GOLGA1: variants seen among roughly 807,000 people sequenced by gnomAD.
The protein encoded by GOLGA1 is golgin subfamily A member 1.
In GOLGA1, 63 loss-of-function variants were observed where a neutral mutation model predicts 119.7. The ratio of observed to expected loss-of-function variants is 0.53; its 90% CI spans 0.43 to 0.65. GOLGA1 has a LOEUF of 0.65. GOLGA1 is among the 30% of genes least tolerant of loss of function. The probability of loss-of-function intolerance (pLI) is 0.00; values close to 1 mark genes in which losing one functional copy is unlikely to be tolerated. For missense variants in GOLGA1, 798 were observed against 912.8 expected (o/e 0.87, Z 1.62); for synonymous variants, 318 against 333.4 (o/e 0.95, Z 0.50).
intron 11 of GOLGA1, among the ~76,000 whole-genome samples, chr9:124,911,089 TAGA>T (rs137902469): frequency 5.3e-4 from 81 of 152,322 alleles, no homozygotes; most frequent in African/African-American, 1.9e-3. Flanking sequence ...AAGGGAATTG[TAGA>T]AGATGTTTAA....
At position 124,923,239 on chromosome 9, in the gene GOLGA1, A is replaced by C. The variant is rs1830606401; in HGVS notation, c.433-16T>G. ...TATTTTTCTCCTATTTGAAAGAAGAAGACATCAACTCAGGCAACGAAAGCA... is the reference window on the plus strand; with the variant it reads ...TATTTTTCTCCTATTTGAAAGAAGACGACATCAACTCAGGCAACGAAAGCA... On this transcript the variant is annotated splice_polypyrimidine_tract_variant and intron_variant, in intron 7 of 22. Transcript: ENST00000373555. 1 of 1,571,920 alleles carries C rather than the reference A, an allele frequency of 6.4e-7. No individual in the cohort carries two copies. The highest frequency in any genetic ancestry group is 8.7e-7 in the Non-Finnish European group (1 of 1,151,128).
At chr9:124,910,929 C>T (rs886358363) in intron 11 of GOLGA1, among the ~76,000 whole-genome samples, 6 of 152,190 alleles carry the variant, frequency 3.9e-5, no homozygotes, top group African/African-American at 1.2e-4. Context: ...CTGTCTTCCA[C>T]GAAACCAGTC....
chr9:124,930,752 A>T (rs1170590469), intron 4 of GOLGA1, among the ~76,000 whole-genome samples: 1 of 152,224 alleles, frequency 6.6e-6, no homozygotes, highest in Non-Finnish European at 1.5e-5. Context: ...TATCATGACC[A>T]TGCCCTCCTC....
intron 10 of GOLGA1, among the ~76,000 whole-genome samples, chr9:124,915,791 T>A: frequency 7.6e-6 from 1 of 131,260 alleles, no homozygotes; most frequent in Non-Finnish European, 1.7e-5. Context: ...GTCTCAAAAA[T>A]AAATAAATAG....
chr9:124,931,335 C>A lies in GOLGA1; in HGVS notation c.207G>T (p.Lys69Asn). Residue 69 changes from lysine to asparagine, a missense_variant, in exon 4 of 23, where the codon AAG becomes AAT. Lys to Asn is a moderately conservative substitution (Grantham distance 94). Coordinates refer to ENST00000373555, the MANE Select transcript of GOLGA1 (RefSeq NM_002077.4). ...QLLRRNEQIR[K>N]LEARLSDYAE... ...ACATACCAGAAAGTCTGGCCTCTAA[C>A]TTCCGTATCTGTTCATTCCTTCTCA... The A allele has an allele frequency of 8.3e-6, 13 of 1,568,928 alleles. No homozygotes were observed. Among genetic ancestry groups the A allele is most frequent in the Non-Finnish European group, 1.1e-5 (12 of 1,138,992 alleles).
Position 124,900,446 on chromosome 9 carries a change from A to G in GOLGA1, c.1161+6T>C, listed in dbSNP as rs369598117. 7.9e-6 allele frequency: 11 copies of G among 1,392,600 alleles called. No homozygotes were observed. Among genetic ancestry groups the G allele is most frequent in the Admixed American group, 1.7e-5 (1 of 59,720 alleles). The allele number at this position is 1,392,600 out of a possible 1,614,324, so 86.3% of individuals were successfully genotyped here. A position where few individuals can be genotyped will look rare whatever the true frequency, so the allele number is the denominator to read the frequency against. ...CTGGAATGCAGCAGCTCCAATAAGC[A>G]CTTACGAGCTCCTGTATCTGAGTTT... On this transcript the variant is annotated splice_donor_region_variant and intron_variant, in intron 13 of 22. Transcript: ENST00000373555.
At chr9:124,917,738 G>A (rs1443599233) in intron 10 of GOLGA1, among the ~76,000 whole-genome samples, 2 of 152,020 alleles carry the variant, frequency 1.3e-5, no homozygotes, top group African/African-American at 2.4e-5. Flanking sequence ...TTTTGTTCAT[G>A]CTGTTCCCTG....
chr9:124,908,574 A>T lies in GOLGA1; in HGVS notation c.970-102T>A, dbSNP rs543711070. The T allele has an allele frequency of 2.2e-5, 16 of 720,216 alleles. No individual in the cohort carries two copies. In the African/African-American group the frequency reaches 2.8e-4, roughly 13 times the overall value. The allele number at this position is 720,216 out of a possible 1,614,324, so 44.6% of individuals were successfully genotyped here. A position where few individuals can be genotyped will look rare whatever the true frequency, so the allele number is the denominator to read the frequency against. On this transcript the variant is annotated intron_variant, in intron 11 of 22. Coordinates refer to ENST00000373555, the MANE Select transcript of GOLGA1 (RefSeq NM_002077.4). ...TTGTGACTTGTGCTAGGCACAAGAG[A>T]CATGAATACATTTTTAATAATTCAG...
Position 124,921,730 on chromosome 9 carries a change from C to T in GOLGA1, c.724G>A (p.Glu242Lys). Residue 242 changes from glutamate (E) to lysine (K), a missense_variant, in exon 9 of 23, where the codon GAG (glutamate) becomes AAG (lysine). Coordinates refer to ENST00000373555, the MANE Select transcript of GOLGA1 (RefSeq NM_002077.4). ...ELQRHYSTLE[E>K]QRDHVIASKT... ...CACAGACCAAGCAAGAACCTCTGCT[C>T]TTCCAGCGTTGAGTAGTGTCTCTGC... The T allele has an allele frequency of 1.2e-6, 2 of 1,613,204 alleles. No homozygotes were observed. The highest frequency in any genetic ancestry group is 2.2e-5 in the South Asian group (2 of 91,014).
intron 12 of GOLGA1, among the ~76,000 whole-genome samples, chr9:124,904,470 G>A: frequency 6.6e-6 from 1 of 152,246 alleles, no homozygotes; most frequent in East Asian, 1.9e-4. Flanking sequence ...TATTTATCAG[G>A]AAATAAGAAA....
chr9:124,902,561 A>C (rs1830131690), intron 12 of GOLGA1, among the ~76,000 whole-genome samples: 1 of 150,874 alleles, frequency 6.6e-6, no homozygotes, highest in Admixed American at 6.6e-5. Context: ...ATCTCGGCTC[A>C]CTGAAAGCTC....
chr9:124,936,324 T>G (rs1012913241), intron 3 of GOLGA1, among the ~76,000 whole-genome samples: 9 of 152,188 alleles, frequency 5.9e-5, no homozygotes, highest in African/African-American at 2.2e-4. Context: ...TGACCTGGGA[T>G]CCAGGCAGTA....
chr9:124,922,550 C>CAAAAAAAA (rs537417274), intron 8 of GOLGA1, among the ~76,000 whole-genome samples: 3 of 49,308 alleles, frequency 6.1e-5, no homozygotes. Context: ...GACTCTATCT[C>CAAAAAAAA]AAAAAAAAAA....
At chr9:124,905,913 G>T (rs1830216758) in intron 12 of GOLGA1, among the ~76,000 whole-genome samples, 1 of 150,830 alleles carries the variant, frequency 6.6e-6, no homozygotes, top group African/African-American at 2.4e-5. Flanking sequence ...AGGAGTTCGA[G>T]ACCAGCCTGG....
At position 124,888,708 on chromosome 9, in the gene GOLGA1, A is replaced by G. The variant is rs137955305; in HGVS notation, c.1762-312T>C. Among the ~76,000 whole-genome samples the G allele has an allele frequency of 2.1e-3, 314 of 151,938 alleles. No homozygotes were observed. The highest frequency in any genetic ancestry group is 3.6e-3 in the Non-Finnish European group (242 of 67,952). ...CCCTACTTTATTTATTTATCTATTTATTTATTTATTGAGACGGAGTCTTGC... is the reference window on the plus strand; with the variant it reads ...CCCTACTTTATTTATTTATCTATTTGTTTATTTATTGAGACGGAGTCTTGC... On this transcript the variant is annotated intron_variant, in intron 18 of 22. Transcript: ENST00000373555. The surrounding 1 kb of genome is among the most constrained non-coding windows in gnomAD (Gnocchi z 4.4).
chr9:124,883,827 A>G (rs1216365653), intron 19 of GOLGA1, among the ~76,000 whole-genome samples: 1 of 151,822 alleles, frequency 6.6e-6, no homozygotes, highest in African/African-American at 2.4e-5. Flanking sequence ...GGCTCAAGCA[A>G]TTCTCCCACT....
intron 10 of GOLGA1, among the ~76,000 whole-genome samples, chr9:124,914,367 G>A (rs1233601936): frequency 1.3e-5 from 2 of 152,210 alleles, no homozygotes; most frequent in Non-Finnish European, 2.9e-5. Flanking sequence ...CGGACGTGGT[G>A]GCAGGCGCCT....
intron 3 of GOLGA1, among the ~76,000 whole-genome samples, chr9:124,935,009 T>C (rs1011210036): frequency 2.0e-5 from 3 of 151,950 alleles, no homozygotes; most frequent in Admixed American, 1.3e-4. Flanking sequence ...ATCGGGCCAC[T>C]GCACTCCAGC....
intron 12 of GOLGA1, among the ~76,000 whole-genome samples, chr9:124,906,694 G>A (rs1830240271): frequency 6.6e-6 from 1 of 152,132 alleles, no homozygotes; most frequent in African/African-American, 2.4e-5. Context: ...GGAGGTTGCA[G>A]TGAGCCGAGA....
Sources: gnomAD v4.1 joint callset for allele counts (sites outside exome capture counted in the v4.1 genomes callset) on GRCh38, gnomAD v4.1.1 for gene constraint, Gnocchi (gnomAD v3.1) non-coding constraint, MANE v1.5 for transcripts, NCBI Gene and HGNC (gene_info 2026-07-23, HGNC 2026-07-21) for gene names.